Variants in NDEL1 observed in about 807,000 individuals in gnomAD.
NDEL1 encodes the protein nuclear distribution protein nudE-like 1.
A neutral mutation model predicts 45.7 loss-of-function variants in NDEL1; 9 were observed. That is an observed-to-expected ratio of 0.20 (90% confidence interval 0.12 to 0.34). The LOEUF is 0.34. NDEL1 is among the 10% of genes least tolerant of loss of function. The probability of loss-of-function intolerance (pLI) is 1.00; values close to 1 mark genes in which losing one functional copy is unlikely to be tolerated. For missense variants in NDEL1, 306 were observed against 406.2 expected, an observed-to-expected ratio of 0.75 and a Z score of 2.12; for synonymous variants, 133 against 158.6, an observed-to-expected ratio of 0.84 and a Z score of 1.21.
chr17:8,428,837 C>A (rs768000398), intron 1 of NDEL1, among the ~76,000 whole-genome samples: 129 of 151,868 alleles, frequency 8.5e-4, no homozygotes, highest in Non-Finnish European at 1.5e-3. Context: ...CCACGCCCGG[C>A]TAATTTTTTG....
intron 1 of NDEL1, among the ~76,000 whole-genome samples, chr17:8,422,939 T>C (rs1337876637): frequency 2.6e-5 from 4 of 151,966 alleles, no homozygotes; most frequent in Non-Finnish European, 5.9e-5. Context: ...TTTCATCATG[T>C]TGGCTGGTCT....
At chr17:8,440,742 A>AAT (rs1326995332) in intron 1 of NDEL1, among the ~76,000 whole-genome samples, 1 of 152,240 alleles carries the variant, frequency 6.6e-6, no homozygotes, top group Non-Finnish European at 1.5e-5. Context: ...GTCAGAGACA[A>AAT]ATGGATACTC....
At chr17:8,433,369 T>C (rs1909065908), upstream of NDEL1, among the ~76,000 whole-genome samples, 4 of 152,226 alleles carry the variant, frequency 2.6e-5, no homozygotes, top group Admixed American at 2.0e-4. Context: ...CAAATTGATG[T>C]GGAGGGTCTG....
At chr17:8,423,486 C>T (rs1597512584) in intron 1 of NDEL1, among the ~76,000 whole-genome samples, 1 of 152,088 alleles carries the variant, frequency 6.6e-6, no homozygotes, top group Non-Finnish European at 1.5e-5. Context: ...GCGGTAGAGA[C>T]CAGCCTGACC....
chr17:8,454,730 TCAA>T (rs1381585769), intron 6 of NDEL1, 63 bp from the exon 7 acceptor site: 7 of 1,212,414 alleles, frequency 5.8e-6, no homozygotes, highest in Non-Finnish European at 8.4e-6. Context: ...CTTTGTAACA[TCAA>T]CAACAAAACC....
chr17:8,460,269 C>G, intron 8 of NDEL1, 109 bp downstream of exon 8: 3 of 1,181,616 alleles, frequency 2.5e-6, no homozygotes, highest in Non-Finnish European at 3.6e-6. Flanking sequence ...CAAACCTTCC[C>G]GAAGCCTGTT....
At chr17:8,428,323 G>GGGGTGTGTGT (rs1555556558) in intron 1 of NDEL1, among the ~76,000 whole-genome samples, 2 of 62,044 alleles carry the variant, frequency 3.2e-5, no homozygotes, top group Non-Finnish European at 6.4e-5. Flanking sequence ...AAGTGTGTGT[G>GGGGTGTGTGT]GTGTGTGTGT....
At chr17:8,424,523 A>G (rs1366979535) in intron 1 of NDEL1, among the ~76,000 whole-genome samples, 1 of 152,140 alleles carries the variant, frequency 6.6e-6, no homozygotes, top group Non-Finnish European at 1.5e-5. Context: ...TTGTTTTGAG[A>G]CGGAGTCTTG....
In NDEL1 at chr17:8,444,629, G is replaced by A. The variant is rs948882981; in HGVS notation, c.86+272G>A. ...ACCTGTTCTATGCTTTTTAGTAGGC[G>A]GGGCCATCTTTGGCCCGTTTTGCAT... is the stretch of plus-strand genomic sequence containing the variant. On this transcript the variant is annotated intron_variant, in intron 2 of 8. Coordinates refer to ENST00000334527, the MANE Select transcript of NDEL1 (RefSeq NM_030808.5). 4.3e-5 allele frequency: 13 copies of A among 299,038 alleles called. No individual in the cohort carries two copies. In the Admixed American group the frequency reaches 6.1e-4, roughly 14 times the overall value. 18.5% of individuals were successfully genotyped at this position (299,038 alleles called of 1,614,324 possible). A position where few individuals can be genotyped will look rare whatever the true frequency, so the allele number is the denominator to read the frequency against.
intron 5 of NDEL1, among the ~76,000 whole-genome samples, chr17:8,449,111 TAGC>T (rs905204108): frequency 1.3e-5 from 2 of 152,180 alleles, no homozygotes; most frequent in African/African-American, 4.8e-5. Flanking sequence ...GCCTCTCGAG[TAGC>T]TGGGATTACA....
chr17:8,435,803 C>A, upstream of NDEL1: 1 of 405,326 alleles, frequency 2.5e-6, no homozygotes, highest in Admixed American at 2.7e-5. Context: ...CCGCCCCACC[C>A]CGCCCCGCAT....
chr17:8,466,055 G>GA (rs1911567122), intron 8 of NDEL1: 1 of 152,180 alleles, frequency 6.6e-6, no homozygotes, highest in African/African-American at 2.4e-5. Context: ...AGTCTGCGTT[G>GA]AAAAGCCTAC....
Position 8,446,759 on chromosome 17 carries a change from G to C in NDEL1, c.246G>C (p.Lys82Asn). ...LKYEVEALKE[K>N]LEHQYAQSYK... is the part of the protein sequence containing the mutation. The stretch of plus-strand genomic sequence containing the variant: ...TCCTATACTGATGCCCTCAGGAGAA[G>C]CTAGAGCATCAATATGCACAGAGCT... The change falls in exon 4 of 9, where the codon AAG (lysine) becomes AAC (asparagine). Residue 82 changes from lysine (K) to asparagine (N), a missense_variant. Lys to Asn is a moderately conservative substitution (Grantham distance 94). This residue lies in a region of NDEL1 where 112 missense variants were observed against 148.3 expected (regional missense o/e 0.76). Transcript: ENST00000334527. The C allele has an allele frequency of 6.2e-7, 1 of 1,614,018 alleles. No individual in the cohort carries two copies. The highest frequency in any genetic ancestry group is 8.5e-7 in the Non-Finnish European group (1 of 1,179,980).
chr17:8,415,736 T>C lies in NDEL1; in HGVS notation c.-13+2467T>C, dbSNP rs111759848. ...CCTATTTTCCATTTTTAATGTGCCT[T>C]GCCCATTTTACATTTTTTATTGTGG... On this transcript the variant is annotated intron_variant, in intron 1 of 4. Transcript: ENST00000582812. Among the ~76,000 whole-genome samples the C allele has an allele frequency of 9.9e-3, 1,502 of 151,804 alleles. 18 individuals are homozygous for C. The highest frequency in any genetic ancestry group is 0.034 in the African/African-American group (1,397 of 41,400).
intron 1 of NDEL1, among the ~76,000 whole-genome samples, chr17:8,415,131 C>G (rs1409071777): frequency 6.6e-6 from 1 of 150,458 alleles, no homozygotes; most frequent in Non-Finnish European, 1.5e-5. Flanking sequence ...TCCCTCCTGC[C>G]TCTTCTCTCT....
At chr17:8,428,669 G>A (rs1478672447) in intron 1 of NDEL1, among the ~76,000 whole-genome samples, 1 of 148,578 alleles carries the variant, frequency 6.7e-6, no homozygotes, top group Non-Finnish European at 1.5e-5. Flanking sequence ...GGCCCCAAGT[G>A]TATATTTTTA....
In NDEL1 at chr17:8,463,344, G is replaced by A. The variant is rs150978515; in HGVS notation, c.944+3184G>A. ...GGCAAGAAAAAGTCATATTTCCCAC[G>A]TTGTTCATGGGTAACTGAATTTGTT... On this transcript the variant is annotated intron_variant, in intron 8 of 8. Transcript: ENST00000334527. 272 of 1,612,794 alleles carry A rather than the reference G, an allele frequency of 1.7e-4. 1 individual carries two copies. Among genetic ancestry groups the A allele is most frequent in the Admixed American group, 3.7e-4 (22 of 59,894 alleles).
chr17:8,454,163 G>A (rs957146087), intron 6 of NDEL1, among the ~76,000 whole-genome samples: 10 of 152,048 alleles, frequency 6.6e-5, no homozygotes, highest in Middle Eastern at 3.4e-3. Context: ...TTCTCCTACC[G>A]AAACACAGTG....
downstream of NDEL1, among the ~76,000 whole-genome samples, chr17:8,468,559 TCTC>T (rs1195919104): frequency 5.9e-5 from 9 of 152,292 alleles, no homozygotes; most frequent in East Asian, 1.2e-3. Context: ...AACCGGCACT[TCTC>T]CTCATCCCTC....
Sources: gnomAD v4.1 joint callset for allele counts (sites outside exome capture counted in the v4.1 genomes callset) on GRCh38, gnomAD v4.1.1 for gene constraint, gnomAD v4.1.1 regional missense constraint, MANE v1.5 for transcripts, NCBI Gene and HGNC (gene_info 2026-07-23, HGNC 2026-07-21) for gene names.